The following WT1 variants were observed in gnomAD, a reference collection of about 807,000 sequenced individuals.
WT1 encodes the protein Wilms tumor protein.
In WT1, 8 loss-of-function variants were observed where a neutral mutation model predicts 60.8. That is an observed-to-expected ratio of 0.13 (90% CI 0.08 to 0.24). The LOEUF (loss-of-function observed/expected upper bound fraction) is 0.24. Ranked by LOEUF, WT1 falls within the 10% of genes least tolerant of loss-of-function variation. WT1 has a pLI of 1.00. For synonymous variants in WT1, 312 were observed against 297.1 expected (o/e 1.05, Z -0.52); for missense variants, 568 against 711.8 (o/e 0.80, Z 2.30).
intron 9 of WT1, 136 bp from the exon 10 acceptor site, chr11:32,389,315 G>T: frequency 7.0e-7 from 1 of 1,438,066 alleles, no homozygotes; most frequent in Non-Finnish European, 9.6e-7. Flanking sequence ...CTAACCAACT[G>T]AGCTCATTTC....
At chr11:32,392,187 T>C in intron 8 of WT1, 123 bp from the exon 9 acceptor site, 1 of 859,106 alleles carries the variant, frequency 1.2e-6, no homozygotes. Context: ...TGTCTGCATC[T>C]GCCTCACCCT....
At chr11:32,401,192 A>C (rs1041011749) in intron 5 of WT1, among the ~76,000 whole-genome samples, 1 of 152,256 alleles carries the variant, frequency 6.6e-6, no homozygotes, top group Admixed American at 6.5e-5. Context: ...TAAAGTACCA[A>C]TACATGCTAC....
Position 32,388,232 on chromosome 11 carries a change from A to T in WT1, c.*826T>A, listed in dbSNP as rs959873880. The stretch of plus-strand genomic sequence containing the variant: ...ATACCAGCATGGTTTTTATACACTA[A>T]GGACACTCCCAGTGATGAAAATGAA... On this transcript the variant is annotated 3_prime_UTR_variant, in exon 10 of 10. Transcript: ENST00000452863. 8.6e-6 allele frequency: 2 copies of T among 233,608 alleles called. No individual in the cohort carries two copies. The highest frequency in any genetic ancestry group is 4.4e-5 in the African/African-American group (2 of 45,328). The allele number at this position is 233,608 out of a possible 1,614,324, so 14.5% of individuals were successfully genotyped here. A position where few individuals can be genotyped will look rare whatever the true frequency, so the allele number is the denominator to read the frequency against.
chr11:32,425,769 G>A (rs985333189), intron 3 of WT1, among the ~76,000 whole-genome samples: 1 of 152,270 alleles, frequency 6.6e-6, no homozygotes, highest in Middle Eastern at 3.4e-3. Flanking sequence ...TATTGGATTT[G>A]TGTAAAAATA....
Position 32,416,479 on chromosome 11 carries a change from T to C in WT1, c.1016+11A>G, listed in dbSNP as rs745937499. On this transcript the variant is annotated intron_variant, in intron 5 of 9. Transcript: ENST00000452863. ...GCCATTTGCTTTGCCATCTCCGCAT[T>C]GTCCACTCACTTGCTCTGCCCTTCT... is the stretch of plus-strand genomic sequence containing the variant. The C allele has an allele frequency of 1.2e-6, 2 of 1,614,150 alleles. No individual in the cohort carries two copies. Among genetic ancestry groups the C allele is most frequent in the South Asian group, 1.1e-5 (1 of 91,084 alleles).
chr11:32,435,097 G>T lies in WT1; in HGVS notation c.264C>A (p.Val88=). 6.6e-7 allele frequency: 1 copy of T among 1,506,028 alleles called. No individual in the cohort carries two copies. Among genetic ancestry groups the T allele is most frequent in the South Asian group, 1.2e-5 (1 of 80,958 alleles). The allele number at this position is 1,506,028 out of a possible 1,614,324, so 93.3% of individuals were successfully genotyped here. The change falls in exon 1 of 10, where the codon GTC becomes GTA. Residue 88 remains valine (V), a synonymous_variant. Transcript: ENST00000452863. ...AGCCGCCGCCGCCACCCAGGGAGGG[G>T]ACGGCGGGCAGCAGCGCGTTCAGGT...
At chr11:32,404,767 A>C (rs1852259270) in intron 5 of WT1, among the ~76,000 whole-genome samples, 1 of 152,276 alleles carries the variant, frequency 6.6e-6, no homozygotes, top group South Asian at 2.1e-4. Context: ...TGGACTGGTA[A>C]TTCTACCCAA....
intron 3 of WT1, among the ~76,000 whole-genome samples, chr11:32,427,525 G>C (rs1853094837): frequency 6.6e-6 from 1 of 152,216 alleles, no homozygotes; most frequent in Non-Finnish European, 1.5e-5. Flanking sequence ...TTGAGGTGGG[G>C]AGAAGGCTGT....
In WT1 at chr11:32,435,372, G is replaced by C; in HGVS notation, c.-12C>G. On this transcript the variant is annotated 5_prime_UTR_variant, in exon 1 of 10. Coordinates refer to ENST00000452863, the MANE Select transcript of WT1 (RefSeq NM_024426.6). ...AAGAGGAAGTCCAGGATCGCGGCGAGGAGACGGCGGGGCCCGGGCGCCTGG... is the reference window on the plus strand; with the variant it reads ...AAGAGGAAGTCCAGGATCGCGGCGACGAGACGGCGGGGCCCGGGCGCCTGG... 6.6e-7 allele frequency: 1 copy of C among 1,524,608 alleles called. No homozygotes were observed. Among genetic ancestry groups the C allele is most frequent in the Non-Finnish European group, 8.8e-7 (1 of 1,140,314 alleles). The allele number at this position is 1,524,608 out of a possible 1,614,324, so 94.4% of individuals were successfully genotyped here.
Position 32,427,966 on chromosome 11 carries a change from G to C in WT1, c.877C>G (p.Pro293Ala). 6.2e-7 allele frequency: 1 copy of C among 1,611,098 alleles called. No individual in the cohort carries two copies. The highest frequency in any genetic ancestry group is 8.5e-7 in the Non-Finnish European group (1 of 1,179,074). The change falls in exon 3 of 10, where the codon CCC becomes GCC. Residue 293 changes from proline to alanine, a missense_variant. Around this residue, in one of 3 missense-constraint regions of WT1, gnomAD observed 523 missense variants for 565.1 expected, o/e 0.93. Coordinates refer to ENST00000452863, the MANE Select transcript of WT1 (RefSeq NM_024426.6). The stretch of plus-strand genomic sequence containing the variant: ...CCAGCGCCTTCCTACCTGCTGTAGG[G>C]CGTCCTCAGCAGCAAAGCCTGGCTG...
rs760142967 is a variant in WT1 at position 32,388,145 on chromosome 11, A to G, written c.*913T>C. 2 of 234,106 alleles carry G rather than the reference A, an allele frequency of 8.5e-6. No homozygotes were observed. The highest frequency in any genetic ancestry group is 5.6e-5 in the Admixed American group (1 of 17,780). 14.5% of individuals were successfully genotyped at this position (234,106 alleles called of 1,614,324 possible). A position where few individuals can be genotyped will look rare whatever the true frequency, so the allele number is the denominator to read the frequency against. On this transcript the variant is annotated 3_prime_UTR_variant, in exon 10 of 10. Transcript: ENST00000452863. ...TACTTAAAAACAGTCTTATCAGTGG[A>G]GATCCTGGACCATCCCCTATTTTCT...
At chr11:32,397,836 A>G (rs1852019198) in intron 6 of WT1, among the ~76,000 whole-genome samples, 1 of 152,220 alleles carries the variant, frequency 6.6e-6, no homozygotes, top group Non-Finnish European at 1.5e-5. Flanking sequence ...CTCAGGGATA[A>G]TGAAGGCATA....
intron 3 of WT1, among the ~76,000 whole-genome samples, chr11:32,424,909 G>A (rs750856568): frequency 2.0e-5 from 3 of 152,140 alleles, no homozygotes; most frequent in African/African-American, 2.4e-5. Flanking sequence ...CCAGCACAGC[G>A]GCTCACACCT....
rs1033235205 is a variant in WT1 at position 32,428,490 on chromosome 11, C to G, written c.784+7G>C. ...GAGAAGGACTCCACTTGGTTCCGCT[C>G]GCTTACCCAGCGAGCCCTGCTGGCC... On this transcript the variant is annotated splice_region_variant and intron_variant, in intron 2 of 9. Transcript: ENST00000452863. 6.2e-7 allele frequency: 1 copy of G among 1,614,036 alleles called. No homozygotes were observed. The highest frequency in any genetic ancestry group is 1.3e-5 in the African/African-American group (1 of 75,060).
At chr11:32,399,015 G>A (rs1257322558) in intron 6 of WT1, among the ~76,000 whole-genome samples, 1 of 151,648 alleles carries the variant, frequency 6.6e-6, no homozygotes, top group African/African-American at 2.4e-5. Context: ...AATTAGCCAG[G>A]CGTGGTGGTG....
At chr11:32,409,802 A>G (rs1335364268) in intron 5 of WT1, among the ~76,000 whole-genome samples, 2 of 152,020 alleles carry the variant, frequency 1.3e-5, no homozygotes, top group Admixed American at 1.3e-4. Context: ...GCTTCTGGCT[A>G]AAGCCAGCCC....
At chr11:32,390,165 T>C (rs1489393216) in intron 9 of WT1, among the ~76,000 whole-genome samples, 1 of 152,160 alleles carries the variant, frequency 6.6e-6, no homozygotes, top group Non-Finnish European at 1.5e-5. Flanking sequence ...TGCAGCTCCA[T>C]CTTAAGGAAG....
chr11:32,413,446 C>T (rs77073221), intron 5 of WT1, among the ~76,000 whole-genome samples: 1,529 of 152,258 alleles, frequency 0.01, 26 homozygotes, highest in African/African-American at 0.035. Flanking sequence ...AACAATGACC[C>T]CAACCCAGAT....
At chr11:32,415,091 T>G (rs1852621990) in intron 5 of WT1, among the ~76,000 whole-genome samples, 2 of 152,182 alleles carry the variant, frequency 1.3e-5, no homozygotes, top group South Asian at 4.1e-4. Context: ...GAAATTATCT[T>G]AACCATGGAA....
Sources: allele counts gnomAD v4.1 joint callset (sites outside exome capture counted in the v4.1 genomes callset), GRCh38; gene constraint gnomAD v4.1.1; regional missense constraint gnomAD v4.1.1; transcripts MANE v1.5; gene names NCBI Gene and HGNC (gene_info 2026-07-23, HGNC 2026-07-21).